Variants in PRKCA observed in about 807,000 individuals in gnomAD.
The protein encoded by PRKCA is protein kinase C alpha type.
PRKCA carries 27 observed loss-of-function variants against 87.0 expected under a neutral mutation model. The ratio of observed to expected loss-of-function variants is 0.31; its 90% CI spans 0.23 to 0.43. The LOEUF is 0.43. PRKCA is among the 20% of genes least tolerant of loss of function. The pLI, the probability that PRKCA is intolerant of heterozygous loss-of-function variation, is 1.00. For missense variants in PRKCA, 518 were observed against 852.3 expected (o/e 0.61, Z 4.88); for synonymous variants, 329 against 311.1 (o/e 1.06, Z -0.61).
chr17:66,304,631 G>A (rs1176176555), intron 1 of PRKCA, among the ~76,000 whole-genome samples: 1 of 152,142 alleles, frequency 6.6e-6, no homozygotes, highest in Non-Finnish European at 1.5e-5. Flanking sequence ...CACACCTGGG[G>A]AAAAACATCC....
chr17:66,571,858 C>T lies in PRKCA; in HGVS notation c.289-69497C>T, dbSNP rs536964796. Among the ~76,000 whole-genome samples, 7 of 152,140 alleles carry T rather than the reference C, an allele frequency of 4.6e-5. No homozygotes were observed. In the East Asian group the frequency reaches 7.7e-4, roughly 17 times the overall value. On this transcript the variant is annotated intron_variant, in intron 3 of 16. Coordinates refer to ENST00000413366, the MANE Select transcript of PRKCA (RefSeq NM_002737.3). Reference sequence around the variant, plus strand: ...CACTGAGTGTTTTGCTTTTGAAATACGAAGCCTGTTGGATGCCATGGAAAG... The same window carrying T: ...CACTGAGTGTTTTGCTTTTGAAATATGAAGCCTGTTGGATGCCATGGAAAG...
rs531112082 is a variant in PRKCA at position 66,440,289 on chromosome 17, C to T, written c.206-55912C>T. On this transcript the variant is annotated intron_variant, in intron 2 of 16. Coordinates refer to ENST00000413366, the MANE Select transcript of PRKCA (RefSeq NM_002737.3). ...CCACCAGTTCCCTAAAGCTACAGGA[C>T]GGAAAGGACTCCTGATCCTTTGTAC... is the stretch of plus-strand genomic sequence containing the variant. Among the ~76,000 whole-genome samples the T allele has an allele frequency of 6.6e-5, 10 of 152,306 alleles. No homozygotes were observed. In the South Asian group the frequency reaches 1.2e-3, roughly 19 times the overall value.
chr17:66,449,013 G>A (rs564290811), intron 2 of PRKCA, among the ~76,000 whole-genome samples: 61 of 151,414 alleles, frequency 4.0e-4, no homozygotes, highest in African/African-American at 1.2e-3. Context: ...GGCCAGGTGA[G>A]GTGGCTCATG....
chr17:66,372,794 C>T (rs1057458107), intron 2 of PRKCA, among the ~76,000 whole-genome samples: 1 of 152,100 alleles, frequency 6.6e-6, no homozygotes, highest in African/African-American at 2.4e-5. Flanking sequence ...CAGTGGCTCG[C>T]ACCTGTAATC....
chr17:66,521,769 C>G lies in PRKCA; in HGVS notation c.288+25486C>G, dbSNP rs151089527. ...AATATCTTGTAGAGAATAAATGCCT[C>G]TTGGGTTTATGGATTTATGCCATAT... On this transcript the variant is annotated intron_variant, in intron 3 of 16. Coordinates refer to ENST00000413366, the MANE Select transcript of PRKCA (RefSeq NM_002737.3). 1.3e-3 allele frequency among the ~76,000 whole-genome samples: 199 copies of G among 152,228 alleles called. 1 individual carries two copies. Among genetic ancestry groups the G allele is most frequent in the African/African-American group, 4.5e-3 (189 of 41,542 alleles).
chr17:66,746,154 C>CTTT lies in PRKCA; in HGVS notation c.1524+3419_1524+3421dup, dbSNP rs56319847. ...TTGTTTCACCTTTTTTGTTGCCTTG[C>CTTT]TTTTTTTTTTTTTTTTTTTTTTTTT... On this transcript the variant is annotated intron_variant, in intron 13 of 16. Transcript: ENST00000413366. Among the ~76,000 whole-genome samples the CTTT allele has an allele frequency of 3.6e-4, 23 of 64,234 alleles. 1 individual carries two copies. Among genetic ancestry groups the CTTT allele is most frequent in the African/African-American group, 8.4e-4 (12 of 14,282 alleles). 42.1% of individuals were successfully genotyped at this position (64,234 alleles called of 152,430 possible).
intron 3 of PRKCA, among the ~76,000 whole-genome samples, chr17:66,558,058 G>C (rs1421179062): frequency 6.6e-6 from 1 of 152,222 alleles, no homozygotes; most frequent in African/African-American, 2.4e-5. Context: ...AAATGTTTAA[G>C]AACTTTATAG....
intron 5 of PRKCA, among the ~76,000 whole-genome samples, chr17:66,669,107 A>G (rs115297958): frequency 6.6e-6 from 1 of 152,252 alleles, no homozygotes; most frequent in Non-Finnish European, 1.5e-5. Flanking sequence ...CTCTTTAAAA[A>G]AAAAAAAATG....
At chr17:66,761,789 T>C (rs972388720) in intron 13 of PRKCA, among the ~76,000 whole-genome samples, 4 of 152,148 alleles carry the variant, frequency 2.6e-5, no homozygotes, top group African/African-American at 7.2e-5. Flanking sequence ...TCATTTCCCA[T>C]GTGACATAGT....
chr17:66,347,076 A>G (rs1024969906), intron 2 of PRKCA, among the ~76,000 whole-genome samples: 3 of 152,122 alleles, frequency 2.0e-5, no homozygotes, highest in Non-Finnish European at 2.9e-5. Flanking sequence ...TTTTATTTAC[A>G]TAGATTTTAT....
chr17:66,634,430 A>G (rs1567945206), intron 3 of PRKCA, among the ~76,000 whole-genome samples: 3 of 152,244 alleles, frequency 2.0e-5, no homozygotes, highest in Admixed American at 6.5e-5. Context: ...TTCCTGGAGA[A>G]CTAAAAAGGA....
chr17:66,644,298 A>C (rs1354060863), intron 4 of PRKCA, among the ~76,000 whole-genome samples: 1 of 152,194 alleles, frequency 6.6e-6, no homozygotes. Flanking sequence ...TTACTTTGTC[A>C]TGTTAAAATT....
At chr17:66,381,087 A>G (rs936918139) in intron 2 of PRKCA, among the ~76,000 whole-genome samples, 4 of 151,908 alleles carry the variant, frequency 2.6e-5, no homozygotes, top group African/African-American at 9.7e-5. Flanking sequence ...CTACAGGTGC[A>G]AGCCACCACG....
intron 2 of PRKCA, among the ~76,000 whole-genome samples, chr17:66,328,617 G>A (rs1906134645): frequency 6.6e-6 from 1 of 152,030 alleles, no homozygotes. Flanking sequence ...GGCCAACATG[G>A]GGAAACCCTG....
intron 2 of PRKCA, among the ~76,000 whole-genome samples, chr17:66,370,113 G>A (rs1317089083): frequency 6.6e-6 from 1 of 151,896 alleles, no homozygotes; most frequent in Non-Finnish European, 1.5e-5. Context: ...CTTGTTCCCT[G>A]TACTTGATGG....
At chr17:66,334,389 T>C (rs965119557) in intron 2 of PRKCA, among the ~76,000 whole-genome samples, 3 of 152,234 alleles carry the variant, frequency 2.0e-5, no homozygotes, top group Non-Finnish European at 2.9e-5. Context: ...TATTTTTTTT[T>C]CCTCATGTTA....
chr17:66,734,518 G>A (rs1349540736), intron 9 of PRKCA, among the ~76,000 whole-genome samples: 1 of 152,184 alleles, frequency 6.6e-6, no homozygotes, highest in East Asian at 1.9e-4. Flanking sequence ...CATATAATGA[G>A]CAATGAGGGT....
At chr17:66,734,315 T>G (rs1350975786) in intron 9 of PRKCA, among the ~76,000 whole-genome samples, 1 of 152,206 alleles carries the variant, frequency 6.6e-6, no homozygotes, top group African/African-American at 2.4e-5. Context: ...CTGAGTATAC[T>G]TAGAGGTATT....
chr17:66,427,740 T>C (rs1912890392), intron 2 of PRKCA, among the ~76,000 whole-genome samples: 1 of 152,208 alleles, frequency 6.6e-6, no homozygotes, highest in Admixed American at 6.5e-5. Context: ...GCAGATTTGT[T>C]GCAATTTCAA....
Sources: gnomAD v4.1 joint callset for allele counts (sites outside exome capture counted in the v4.1 genomes callset) on GRCh38, gnomAD v4.1.1 for gene constraint, MANE v1.5 for transcripts, NCBI Gene and HGNC (gene_info 2026-07-23, HGNC 2026-07-21) for gene names.